ZNF90: variants seen among roughly 807,000 people sequenced by gnomAD.
ZNF90 encodes zinc finger protein 90.
ZNF90 carries 11 observed loss-of-function variants against 12.0 expected under a neutral mutation model. That is an observed-to-expected ratio of 0.92 (90% CI 0.58 to 1.52). ZNF90 has a LOEUF of 1.52. Among genes scored for constraint, ZNF90 ranks in the 40% most tolerant of loss-of-function variants. The pLI is 0.00. For missense variants in ZNF90, 765 were observed against 711.5 expected (o/e 1.08, Z -0.86); for synonymous variants, 232 against 240.1 (o/e 0.97, Z 0.31).
intron 1 of ZNF90, among the ~76,000 whole-genome samples, chr19:20,078,421 G>A (rs568334704): frequency 2.1e-4 from 32 of 152,234 alleles, no homozygotes; most frequent in African/African-American, 7.7e-4. Context: ...GAGCACGGGA[G>A]GGTTCTCGGG....
intron 2 of ZNF90, 116 bp from the exon 3 acceptor site, chr19:20,105,105 A>C (rs2089023391): frequency 1.7e-6 from 1 of 583,920 alleles, no homozygotes; most frequent in African/African-American, 2.0e-5. Context: ...TTTTTTTTAT[A>C]ACTCTATTTT....
chr19:20,078,060 C>T lies in ZNF90; in HGVS notation c.-73C>T, dbSNP rs2088790469. On this transcript the variant is annotated 5_prime_UTR_variant, in exon 1 of 4. Coordinates refer to ENST00000418063, the MANE Select transcript of ZNF90 (RefSeq NM_007138.2). ...GGTCTTAGCTGCTTCGTGTCTTCTTCTCCAGCCTCTGTGGCCCTGTGACCT... is the reference window on the plus strand; with the variant it reads ...GGTCTTAGCTGCTTCGTGTCTTCTTTTCCAGCCTCTGTGGCCCTGTGACCT... 2.5e-6 allele frequency: 4 copies of T among 1,604,936 alleles called. No individual in the cohort carries two copies. The highest frequency in any genetic ancestry group is 3.4e-6 in the Non-Finnish European group (4 of 1,171,702).
chr19:20,112,329 A>T lies in ZNF90; in HGVS notation c.227-5452A>T, dbSNP rs1029830006. Among the ~76,000 whole-genome samples the T allele has an allele frequency of 2.1e-5, 3 of 143,068 alleles. No homozygotes were observed. The Admixed American group carries it at 2.1e-4, about 10-fold the overall frequency. The allele number at this position is 143,068 out of a possible 152,430, so 93.9% of individuals were successfully genotyped here. ...TATTGCACCTGGCCTTTTTATTATT[A>T]TTATTTTTTTGAGATGGAGTCTTTC... On this transcript the variant is annotated intron_variant, in intron 3 of 3. Transcript: ENST00000418063.
At chr19:20,106,786 A>G (rs1555704522) in intron 3 of ZNF90, among the ~76,000 whole-genome samples, 1 of 152,072 alleles carries the variant, frequency 6.6e-6, no homozygotes, top group African/African-American at 2.4e-5. Flanking sequence ...GAAGGTAAAG[A>G]TCTTTTGTTG....
In ZNF90 at chr19:20,107,744, T is replaced by G. The variant is rs888301468; in HGVS notation, c.226+2428T>G. 5.1e-4 allele frequency among the ~76,000 whole-genome samples: 78 copies of G among 152,254 alleles called. 1 individual carries two copies. The highest frequency in any genetic ancestry group is 9.8e-4 in the Non-Finnish European group (67 of 68,050). Reference sequence around the variant, plus strand: ...TACATTTTTACTTTCTATTTTCTATTTCAAATTTGTCTGCAATTTTAGTTT... The same window carrying G: ...TACATTTTTACTTTCTATTTTCTATGTCAAATTTGTCTGCAATTTTAGTTT... On this transcript the variant is annotated intron_variant, in intron 3 of 3. Transcript: ENST00000418063.
At chr19:20,082,195 GTC>G (rs2088825460) in intron 1 of ZNF90, among the ~76,000 whole-genome samples, 1 of 152,116 alleles carries the variant, frequency 6.6e-6, no homozygotes, top group South Asian at 2.1e-4. Context: ...CACCAAACAT[GTC>G]TGTTTTCTGA....
At chr19:20,099,234 C>T (rs1555703578) in intron 1 of ZNF90, among the ~76,000 whole-genome samples, 1 of 151,896 alleles carries the variant, frequency 6.6e-6, no homozygotes, top group Admixed American at 6.6e-5. Context: ...AATTCAGTGG[C>T]ATGATTTCAG....
intron 1 of ZNF90, among the ~76,000 whole-genome samples, chr19:20,094,946 A>G (rs1358870120): frequency 6.6e-6 from 1 of 152,152 alleles, no homozygotes; most frequent in Non-Finnish European, 1.5e-5. Context: ...CGCGGAACTA[A>G]ACTGTAAGCC....
At position 20,110,043 on chromosome 19, in the gene ZNF90, C is replaced by A. The variant is rs116731451; in HGVS notation, c.226+4727C>A. 7.6e-3 allele frequency among the ~76,000 whole-genome samples: 1,161 copies of A among 152,190 alleles called. 16 individuals carry two copies. Among genetic ancestry groups the A allele is most frequent in the African/African-American group, 0.026 (1,080 of 41,504 alleles). On this transcript the variant is annotated intron_variant, in intron 3 of 3. Transcript: ENST00000418063. The stretch of plus-strand genomic sequence containing the variant: ...TCATATAAGTGAAATCATACAGTAT[C>A]CATAATTTTGTTACTGTATTAATTC...
chr19:20,095,668 GGATTGGGGCACAGAGATAAGAGATAAGA>G (rs1377568218), intron 1 of ZNF90, among the ~76,000 whole-genome samples: 1 of 151,936 alleles, frequency 6.6e-6, no homozygotes, highest in Non-Finnish European at 1.5e-5. Flanking sequence ...CAGAAATAAG[GGATTGGGGCACAGAGATAAGAGATAAGA>G]GATTGGGGCA....
At position 20,120,814 on chromosome 19, in the gene ZNF90, A is replaced by C. The variant is rs995065444; in HGVS notation, c.*1454A>C. 1 of 152,226 alleles carries C rather than the reference A, an allele frequency of 6.6e-6. No individual in the cohort carries two copies. Among genetic ancestry groups the C allele is most frequent in the South Asian group, 2.1e-4 (1 of 4,836 alleles). The allele number at this position is 152,226 out of a possible 1,614,324, so 9.4% of individuals were successfully genotyped here. ...GCTTTCTTGAGAAAAAATTTTTGAA[A>C]AGTGAATAAGGTAATAGAGCTTTCA... On this transcript the variant is annotated 3_prime_UTR_variant, in exon 4 of 4. Coordinates refer to ENST00000418063, the MANE Select transcript of ZNF90 (RefSeq NM_007138.2).
At chr19:20,090,942 A>C (rs1457413033) in intron 1 of ZNF90, among the ~76,000 whole-genome samples, 2 of 152,150 alleles carry the variant, frequency 1.3e-5, no homozygotes, top group Non-Finnish European at 2.9e-5. Flanking sequence ...TGAGGATGGT[A>C]AGGGATATGA....
At chr19:20,101,431 C>T (rs1386992697) in intron 1 of ZNF90, among the ~76,000 whole-genome samples, 1 of 152,194 alleles carries the variant, frequency 6.6e-6, no homozygotes, top group East Asian at 1.9e-4. Flanking sequence ...GGCCTGCCAC[C>T]ATCTTGGGAG....
intron 1 of ZNF90, chr19:20,087,149 T>A (rs2088865764): frequency 1.4e-5 from 2 of 145,386 alleles, no homozygotes; most frequent in Middle Eastern, 3.4e-3. Context: ...TTCATAATGC[T>A]CATTTCTCAT....
intron 1 of ZNF90, among the ~76,000 whole-genome samples, chr19:20,088,804 G>A (rs1366345793): frequency 6.6e-6 from 1 of 152,222 alleles, no homozygotes; most frequent in Non-Finnish European, 1.5e-5. Context: ...TCGTGACAGA[G>A]GTTGAAATGC....
At chr19:20,101,652 T>C (rs1368267479) in intron 1 of ZNF90, among the ~76,000 whole-genome samples, 1 of 152,182 alleles carries the variant, frequency 6.6e-6, no homozygotes, top group Non-Finnish European at 1.5e-5. Context: ...TTTGTTGTCA[T>C]GCTAGGAGGT....
intron 3 of ZNF90, among the ~76,000 whole-genome samples, chr19:20,109,431 T>G (rs548218044): frequency 6.6e-6 from 1 of 152,326 alleles, no homozygotes; most frequent in African/African-American, 2.4e-5. Flanking sequence ...TTAATATATA[T>G]TTTTCCTTTT....
chr19:20,105,593 G>C (rs1266898784), intron 3 of ZNF90, among the ~76,000 whole-genome samples: 2 of 152,174 alleles, frequency 1.3e-5, no homozygotes, highest in Non-Finnish European at 2.9e-5. Flanking sequence ...ATAAGAGACT[G>C]CACAATCTGG....
chr19:20,117,008 T>TA lies in ZNF90; in HGVS notation c.227-772dup, dbSNP rs2089142426. ...AAAAAAAAAAAAAGAATTGGCAACT[T>TA]ACATTTGTGTGTGTGTGTGTGTGTG... is the stretch of plus-strand genomic sequence containing the variant. On this transcript the variant is annotated intron_variant, in intron 3 of 3. Coordinates refer to ENST00000418063, the MANE Select transcript of ZNF90 (RefSeq NM_007138.2). 2.8e-5 allele frequency among the ~76,000 whole-genome samples: 4 copies of TA among 142,040 alleles called. No homozygotes were observed. In the East Asian group the frequency reaches 8.3e-4, roughly 29 times the overall value. 93.2% of individuals were successfully genotyped at this position (142,040 alleles called of 152,430 possible). A position where few individuals can be genotyped will look rare whatever the true frequency, so the allele number is the denominator to read the frequency against.
Sources: allele counts gnomAD v4.1 joint callset (sites outside exome capture counted in the v4.1 genomes callset), GRCh38; gene constraint gnomAD v4.1.1; transcripts MANE v1.5; gene names NCBI Gene and HGNC (gene_info 2026-07-23, HGNC 2026-07-21).